The following FAM171A1 variants were observed in gnomAD, a reference collection of about 807,000 sequenced individuals.
The protein encoded by FAM171A1 is family with sequence similarity 171 member A1.
FAM171A1 carries 23 observed loss-of-function variants against 74.9 expected under a neutral mutation model. That is an observed-to-expected ratio of 0.31 (90% CI 0.22 to 0.44). The LOEUF is 0.44. FAM171A1 is among the 20% of genes least tolerant of loss of function. FAM171A1 has a pLI of 1.00. For missense variants in FAM171A1, 1,162 were observed against 1,159.2 expected (o/e 1.00, Z -0.03); for synonymous variants, 527 against 505.7 (o/e 1.04, Z -0.57).
Position 15,350,745 on chromosome 10 carries a change from C to A in FAM171A1, c.97+20211G>T, listed in dbSNP as rs117015181. ...CATCTGCCTCCCAGGTTCGAGCGAT[C>A]GATACTCCTGCCTCAGCCTCCCCAG... On this transcript the variant is annotated intron_variant, in intron 1 of 7. Coordinates refer to ENST00000378116, the MANE Select transcript of FAM171A1 (RefSeq NM_001010924.2). 2.8e-3 allele frequency among the ~76,000 whole-genome samples: 428 copies of A among 151,718 alleles called. 10 individuals are homozygous for A. In the East Asian group the frequency reaches 0.07, roughly 25 times the overall value.
chr10:15,326,689 A>T (rs564805758), intron 1 of FAM171A1, among the ~76,000 whole-genome samples: 1 of 151,880 alleles, frequency 6.6e-6, no homozygotes, highest in Non-Finnish European at 1.5e-5. Context: ...GTGCAGTGGC[A>T]TGATCTTGGC....
chr10:15,347,912 C>G (rs939413834), intron 1 of FAM171A1, among the ~76,000 whole-genome samples: 4 of 151,898 alleles, frequency 2.6e-5, no homozygotes, highest in Admixed American at 2.6e-4. Flanking sequence ...GCGTTCTACC[C>G]CAATGCTTGA....
intron 1 of FAM171A1, among the ~76,000 whole-genome samples, chr10:15,310,123 GCC>G (rs1411674812): frequency 6.6e-6 from 1 of 152,116 alleles, no homozygotes; most frequent in East Asian, 1.9e-4. Flanking sequence ...TAAAAGAATG[GCC>G]AGTTTCCAGT....
At chr10:15,338,224 T>G (rs926327811) in intron 1 of FAM171A1, among the ~76,000 whole-genome samples, 6 of 152,202 alleles carry the variant, frequency 3.9e-5, no homozygotes, top group Non-Finnish European at 8.8e-5. Context: ...TTCTATAATC[T>G]TAACACTGGT....
At chr10:15,343,409 C>T (rs953319258) in intron 1 of FAM171A1, among the ~76,000 whole-genome samples, 3 of 152,090 alleles carry the variant, frequency 2.0e-5, no homozygotes, top group African/African-American at 4.8e-5. Flanking sequence ...TATTGCAATC[C>T]AGGGCGGGAA....
intron 5 of FAM171A1, among the ~76,000 whole-genome samples, chr10:15,234,680 T>G (rs1834258399): frequency 2.0e-5 from 3 of 148,320 alleles, no homozygotes; most frequent in Admixed American, 6.8e-5. Context: ...TGAGACGGAG[T>G]CTTGCTCTGT....
chr10:15,252,524 A>C (rs1480861001), intron 4 of FAM171A1, among the ~76,000 whole-genome samples: 1 of 152,160 alleles, frequency 6.6e-6, no homozygotes, highest in East Asian at 1.9e-4. Flanking sequence ...GACTGTGGGC[A>C]AAAGACAAGC....
chr10:15,331,313 A>G (rs1743917206), intron 1 of FAM171A1, among the ~76,000 whole-genome samples: 2 of 152,174 alleles, frequency 1.3e-5, no homozygotes, highest in Non-Finnish European at 2.9e-5. Flanking sequence ...AAAGTTGAAT[A>G]CTTTCCTCAA....
intron 3 of FAM171A1, among the ~76,000 whole-genome samples, chr10:15,258,496 A>G (rs1242976820): frequency 6.6e-6 from 1 of 152,104 alleles, no homozygotes; most frequent in Non-Finnish European, 1.5e-5. Context: ...TCCCCAACCA[A>G]CAAAAATACT....
At position 15,213,832 on chromosome 10, in the gene FAM171A1, G is replaced by A. The variant is rs1482350603; in HGVS notation, c.1756C>T (p.His586Tyr). ...TGGTCCCCGGGGAGTTTCATATAAT[G>A]AGCCGGGATGACCAAGGCAGGCAGT... ...KVLPALVIPA[H>Y]YMKLPGDHSY... is the part of the protein sequence containing the mutation. The change falls in exon 8 of 8, where the codon CAT (histidine) becomes TAT (tyrosine). Residue 586 changes from histidine (H) to tyrosine (Y), a missense_variant. Transcript: ENST00000378116. This position sits in a 1 kb window ranked among gnomAD's most constrained non-coding sequence, Gnocchi z 6.8. 1.9e-6 allele frequency: 3 copies of A among 1,614,158 alleles called. No homozygotes were observed. The highest frequency in any genetic ancestry group is 1.7e-5 in the Admixed American group (1 of 60,024).
rs189294762 is a variant in FAM171A1, at chr10:15,213,825, A to T, written c.1763T>A (p.Met588Lys). ...LPALVIPAHY[M>K]KLPGDHSYVS... is the part of the protein sequence containing the mutation. ...ATAGGAGTGGTCCCCGGGGAGTTTC[A>T]TATAATGAGCCGGGATGACCAAGGC... is the stretch of plus-strand genomic sequence containing the variant. The change falls in exon 8 of 8, where the codon ATG becomes AAG. Residue 588 changes from methionine (M) to lysine (K), a missense_variant. Coordinates refer to ENST00000378116, the MANE Select transcript of FAM171A1 (RefSeq NM_001010924.2). This position sits in a 1 kb window ranked among gnomAD's most constrained non-coding sequence, Gnocchi z 6.8. 1 of 1,614,148 alleles carries T rather than the reference A, an allele frequency of 6.2e-7. No individual in the cohort carries two copies. The highest frequency in any genetic ancestry group is 2.2e-5 in the East Asian group (1 of 44,882).
intron 1 of FAM171A1, among the ~76,000 whole-genome samples, chr10:15,316,565 A>C (rs751808237): frequency 6.6e-6 from 1 of 152,192 alleles, no homozygotes; most frequent in Non-Finnish European, 1.5e-5. Context: ...TGATGATAGA[A>C]TGGACAGGAC....
intron 1 of FAM171A1, among the ~76,000 whole-genome samples, chr10:15,313,645 C>T (rs1835389519): frequency 6.6e-6 from 1 of 152,114 alleles, no homozygotes; most frequent in African/African-American, 2.4e-5. Flanking sequence ...TTGCAGATTT[C>T]CAAGTCTTTC....
At chr10:15,365,750 A>C (rs1564292585) in intron 1 of FAM171A1, among the ~76,000 whole-genome samples, 1 of 133,342 alleles carries the variant, frequency 7.5e-6, no homozygotes, top group Non-Finnish European at 1.6e-5. Context: ...AGCCTGGGGG[A>C]CACAGTGAGA....
chr10:15,322,669 C>A (rs116805430), intron 1 of FAM171A1, among the ~76,000 whole-genome samples: 1 of 152,224 alleles, frequency 6.6e-6, no homozygotes, highest in Non-Finnish European at 1.5e-5. Flanking sequence ...AGCAAGGAAG[C>A]TGTCCACCAA....
chr10:15,271,724 A>G (rs1834827573), intron 3 of FAM171A1, among the ~76,000 whole-genome samples: 1 of 152,238 alleles, frequency 6.6e-6, no homozygotes, highest in Non-Finnish European at 1.5e-5. Context: ...AGTGGGGGCC[A>G]ATATTCAACA....
chr10:15,273,602 A>G (rs1302489471), intron 3 of FAM171A1, among the ~76,000 whole-genome samples: 1 of 152,132 alleles, frequency 6.6e-6, no homozygotes, highest in African/African-American at 2.4e-5. Flanking sequence ...CAAAAAAGAG[A>G]ATTTTAGACC....
intron 3 of FAM171A1, among the ~76,000 whole-genome samples, chr10:15,262,166 G>A (rs1466924579): frequency 6.6e-6 from 1 of 152,160 alleles, no homozygotes; most frequent in Admixed American, 6.5e-5. Context: ...AGGGGAGAGC[G>A]TGTGGGAGTT....
chr10:15,235,085 C>T lies in FAM171A1; in HGVS notation c.754+13554G>A, dbSNP rs560871387. Among the ~76,000 whole-genome samples, 22 of 151,982 alleles carry T rather than the reference C, an allele frequency of 1.4e-4. No individual in the cohort carries two copies. The East Asian group carries it at 3.9e-3, about 27-fold the overall frequency. ...TGCACTTTGGGAGGTCCAGGAGGGC[C>T]GATTACCTGAGGACAGGAGTTTGAG... On this transcript the variant is annotated intron_variant, in intron 5 of 7. Transcript: ENST00000378116.
Sources: allele counts gnomAD v4.1 joint callset (sites outside exome capture counted in the v4.1 genomes callset), GRCh38; gene constraint gnomAD v4.1.1; non-coding constraint Gnocchi (gnomAD v3.1); transcripts MANE v1.5; gene names NCBI Gene and HGNC (gene_info 2026-07-23, HGNC 2026-07-21).